The following MAGI2 variants were observed in gnomAD, a reference collection of about 807,000 sequenced individuals.
MAGI2 encodes the protein membrane-associated guanylate kinase, WW and PDZ domain-containing protein 2.
In MAGI2, 35 loss-of-function variants were observed where a neutral mutation model predicts 133.3. That is an observed-to-expected ratio of 0.26 (90% CI 0.20 to 0.35). MAGI2 has a LOEUF of 0.35. MAGI2 is among the 10% of genes least tolerant of loss of function. The pLI is 1.00. For missense variants in MAGI2, 1,636 were observed against 1,863.4 expected (o/e 0.88, Z 2.25); for synonymous variants, 729 against 710.6 (o/e 1.03, Z -0.41).
At chr7:79,304,213 G>GTGTGTGTGTGTGTGTT (rs1837611689) in intron 1 of MAGI2, among the ~76,000 whole-genome samples, 1 of 127,364 alleles carries the variant, frequency 7.9e-6, no homozygotes, top group African/African-American at 3.3e-5. Flanking sequence ...CTGTGTGTGT[G>GTGTGTGTGTGTGTGTT]TGTGTGTGTG....
At chr7:78,055,711 G>A (rs896152827) in intron 21 of MAGI2, among the ~76,000 whole-genome samples, 8 of 152,154 alleles carry the variant, frequency 5.3e-5, no homozygotes, top group African/African-American at 1.9e-4. Context: ...AACAGAAGCT[G>A]AACAAAAACC....
intron 1 of MAGI2, among the ~76,000 whole-genome samples, chr7:79,239,963 G>A (rs931733166): frequency 3.9e-5 from 6 of 152,216 alleles, no homozygotes; most frequent in East Asian, 3.9e-4. Context: ...AAACCCCTGC[G>A]TTTTAAATGT....
intron 3 of MAGI2, among the ~76,000 whole-genome samples, chr7:78,612,055 A>C (rs1243204318): frequency 6.6e-6 from 1 of 152,134 alleles, no homozygotes; most frequent in Non-Finnish European, 1.5e-5. Flanking sequence ...TTATTATTAG[A>C]TATACATCTC....
intron 2 of MAGI2, among the ~76,000 whole-genome samples, chr7:78,774,536 G>A (rs545217086): frequency 5.9e-5 from 9 of 152,260 alleles, no homozygotes; most frequent in African/African-American, 1.9e-4. Flanking sequence ...CTTGCATGCT[G>A]TCATCTCCAG....
chr7:78,120,395 C>T (rs10232855), intron 20 of MAGI2, among the ~76,000 whole-genome samples: 105,178 of 151,908 alleles, frequency 0.69, 36,669 homozygotes, highest in African/African-American at 0.75. Flanking sequence ...AGAGCAAGGC[C>T]CTGTCTCAAA....
At chr7:78,260,796 G>A (rs1219844366) in intron 9 of MAGI2, among the ~76,000 whole-genome samples, 1 of 152,108 alleles carries the variant, frequency 6.6e-6, no homozygotes, top group Non-Finnish European at 1.5e-5. Flanking sequence ...GAATTTCAAA[G>A]TGCAAGTGAG....
At chr7:79,291,627 T>C (rs1326251273) in intron 1 of MAGI2, among the ~76,000 whole-genome samples, 1 of 152,156 alleles carries the variant, frequency 6.6e-6, no homozygotes, top group African/African-American at 2.4e-5. Context: ...TGAAGTGATA[T>C]CACATTGTGT....
At chr7:78,244,535 A>G (rs540922727) in intron 10 of MAGI2, among the ~76,000 whole-genome samples, 8 of 152,224 alleles carry the variant, frequency 5.3e-5, no homozygotes, top group Non-Finnish European at 1.2e-4. Flanking sequence ...AGATAATTAA[A>G]TTATTTCTCA....
chr7:79,121,471 T>C (rs1819890955), intron 1 of MAGI2, among the ~76,000 whole-genome samples: 1 of 152,096 alleles, frequency 6.6e-6, no homozygotes, highest in South Asian at 2.1e-4. Context: ...TTTCCATCAT[T>C]TCCTTAGGCG....
chr7:79,216,566 T>C (rs1830050896), intron 1 of MAGI2, among the ~76,000 whole-genome samples: 1 of 151,992 alleles, frequency 6.6e-6, no homozygotes, highest in Non-Finnish European at 1.5e-5. Context: ...TAGACACTAC[T>C]GTGGGTCCAG....
At chr7:78,057,057 AAAT>A (rs1337019647) in intron 21 of MAGI2, among the ~76,000 whole-genome samples, 111 of 127,742 alleles carry the variant, frequency 8.7e-4, no homozygotes, top group African/African-American at 3.1e-3. Context: ...CTATATATAT[AAAT>A]TATATATATA....
intron 2 of MAGI2, among the ~76,000 whole-genome samples, chr7:78,664,530 T>C (rs1813329596): frequency 6.6e-6 from 1 of 152,022 alleles, no homozygotes; most frequent in African/African-American, 2.4e-5. Flanking sequence ...ATAAATAGCT[T>C]TATGCACTAG....
intron 2 of MAGI2, among the ~76,000 whole-genome samples, chr7:78,787,092 T>C (rs2525809): frequency 0.55 from 82,789 of 151,666 alleles, 22,777 homozygotes; most frequent in Middle Eastern, 0.57. Context: ...GGATTACAGG[T>C]GTGCACCACC....
chr7:79,330,202 T>TTA (rs1839968742), intron 1 of MAGI2, among the ~76,000 whole-genome samples: 1 of 138,712 alleles, frequency 7.2e-6, no homozygotes, highest in Non-Finnish European at 1.6e-5. Context: ...TTTTTTTTTT[T>TTA]TTTTTTTTTT....
intron 1 of MAGI2, among the ~76,000 whole-genome samples, chr7:79,289,985 T>G (rs1015410343): frequency 6.6e-6 from 1 of 152,136 alleles, no homozygotes; most frequent in East Asian, 1.9e-4. Flanking sequence ...CTTCCCATTT[T>G]TTAAAGTGAT....
chr7:78,339,280 C>A (rs1390947249), intron 9 of MAGI2, among the ~76,000 whole-genome samples: 2 of 152,160 alleles, frequency 1.3e-5, no homozygotes, highest in East Asian at 3.8e-4. Flanking sequence ...AGAATTAAAT[C>A]TTTGGTTCTT....
chr7:78,922,330 T>C (rs1584400266), intron 2 of MAGI2, among the ~76,000 whole-genome samples: 2 of 152,050 alleles, frequency 1.3e-5, no homozygotes, highest in East Asian at 3.9e-4. Flanking sequence ...CTCCTAATGC[T>C]ATCCCTCCCC....
In MAGI2 at chr7:78,019,446, G is replaced by A. The variant is rs1018549179; in HGVS notation, c.4237C>T (p.Arg1413Trp). The A allele has an allele frequency of 4.1e-6, 4 of 985,608 alleles. No individual in the cohort carries two copies. The African/African-American group carries it at 5.3e-5, about 13-fold the overall frequency. 61.1% of individuals were successfully genotyped at this position (985,608 alleles called of 1,614,324 possible). A position where few individuals can be genotyped will look rare whatever the true frequency, so the allele number is the denominator to read the frequency against. Residue 1413 changes from arginine (R) to tryptophan (W), a missense_variant, in exon 22 of 22, where the codon CGG (arginine) becomes TGG (tryptophan). Around this residue, in one of 5 missense-constraint regions of MAGI2, gnomAD observed 354 missense variants for 298.7 expected, o/e 1.19. Coordinates refer to ENST00000354212, the MANE Select transcript of MAGI2 (RefSeq NM_012301.4). ...EGRAGARAGP[R>W]PGPRPPGGAP... is the part of the protein sequence containing the mutation. ...CCCCCCGGGGGTCGCGGGCCCGGCC[G>A]GGGACCCGCGCGCGCACCCGCCCTG...
Position 78,925,692 on chromosome 7 carries a change from A to G in MAGI2, c.418+81398T>C, listed in dbSNP as rs73375248. Among the ~76,000 whole-genome samples, 671 of 152,208 alleles carry G rather than the reference A, an allele frequency of 4.4e-3. 3 individuals carry two copies. Among genetic ancestry groups the G allele is most frequent in the African/African-American group, 0.015 (631 of 41,568 alleles). ...TCTTGCTTCTATTAATTTAGACATT[A>G]AAGAGAATTGAAGAAAATATTTGTT... On this transcript the variant is annotated intron_variant, in intron 2 of 21. Transcript: ENST00000354212.
Sources: allele counts gnomAD v4.1 joint callset (sites outside exome capture counted in the v4.1 genomes callset), GRCh38; gene constraint gnomAD v4.1.1; regional missense constraint gnomAD v4.1.1; transcripts MANE v1.5; gene names NCBI Gene and HGNC (gene_info 2026-07-23, HGNC 2026-07-21).